Variants in SNTG1 observed in about 807,000 individuals in gnomAD.
SNTG1 encodes the protein syntrophin gamma 1, also known as gamma-1-syntrophin.
A neutral mutation model predicts 74.7 loss-of-function variants in SNTG1; 39 were observed. That is an observed-to-expected ratio of 0.52 (90% CI 0.40 to 0.68). The LOEUF (loss-of-function observed/expected upper bound fraction) is 0.68, where lower values mean the gene tolerates loss of function less well. SNTG1 is among the 30% of genes least tolerant of loss of function. SNTG1 has a pLI of 0.00. For synonymous variants in SNTG1, 254 were observed against 217.1 expected (o/e 1.17, Z -1.49); for missense variants, 685 against 609.5 (o/e 1.12, Z -1.30).
chr8:50,468,021 T>TC (rs368093709), intron 8 of SNTG1, among the ~76,000 whole-genome samples: 1 of 151,588 alleles, frequency 6.6e-6, no homozygotes, highest in Non-Finnish European at 1.5e-5. Context: ...TATTTTTTTT[T>TC]CAAAAAATAG....
intron 1 of SNTG1, among the ~76,000 whole-genome samples, chr8:50,113,490 C>T (rs960416103): frequency 3.9e-5 from 6 of 152,118 alleles, no homozygotes; most frequent in South Asian, 2.1e-4. Context: ...TGGGCTGAGA[C>T]GATGGGGTTT....
intron 12 of SNTG1, among the ~76,000 whole-genome samples, chr8:50,566,898 CT>C (rs1173601069): frequency 1.3e-5 from 2 of 151,972 alleles, no homozygotes; most frequent in East Asian, 3.9e-4. Flanking sequence ...AGCATTCAAT[CT>C]AAAAAGTGCT....
chr8:50,517,604 G>A (rs934634791), intron 9 of SNTG1, among the ~76,000 whole-genome samples: 4 of 69,942 alleles, frequency 5.7e-5, no homozygotes, highest in South Asian at 4.9e-4. Flanking sequence ...TATTTACCAA[G>A]CAAATGGAAA....
intron 13 of SNTG1, among the ~76,000 whole-genome samples, chr8:50,606,453 T>G (rs80087704): frequency 0.031 from 4,712 of 152,184 alleles, 114 homozygotes; most frequent in African/African-American, 0.054. Flanking sequence ...TTATATTGAT[T>G]TAGTTTCCTG....
intron 4 of SNTG1, among the ~76,000 whole-genome samples, chr8:50,426,005 G>A (rs964081182): frequency 6.6e-6 from 1 of 152,010 alleles, no homozygotes; most frequent in Non-Finnish European, 1.5e-5. Context: ...TTATTATTTA[G>A]GACAGTTTTA....
At chr8:50,540,718 G>A (rs761769275) in intron 11 of SNTG1, among the ~76,000 whole-genome samples, 1 of 152,056 alleles carries the variant, frequency 6.6e-6, no homozygotes, top group South Asian at 2.1e-4. Flanking sequence ...CCTGTTATAT[G>A]ATGCTTGATA....
intron 15 of SNTG1, among the ~76,000 whole-genome samples, chr8:50,699,292 C>T (rs1220541203): frequency 6.6e-6 from 1 of 152,068 alleles, no homozygotes; most frequent in Non-Finnish European, 1.5e-5. Flanking sequence ...AGAAAAGCTA[C>T]ATTTTACATA....
At chr8:50,665,924 T>C (rs752772479) in intron 15 of SNTG1, among the ~76,000 whole-genome samples, 20 of 152,144 alleles carry the variant, frequency 1.3e-4, no homozygotes, top group Admixed American at 2.6e-4. Context: ...AGGAGAACTT[T>C]ACAGAGCACA....
chr8:50,411,600 G>A (rs1470338887), intron 4 of SNTG1, among the ~76,000 whole-genome samples: 1 of 151,866 alleles, frequency 6.6e-6, no homozygotes, highest in Non-Finnish European at 1.5e-5. Context: ...ATAATACAAA[G>A]GCCTACTCTT....
intron 1 of SNTG1, among the ~76,000 whole-genome samples, chr8:50,117,872 T>C (rs2080875352): frequency 2.0e-5 from 3 of 152,250 alleles, no homozygotes; most frequent in African/African-American, 7.2e-5. Flanking sequence ...TGTTTGGTTT[T>C]GCTTCACAAT....
chr8:50,549,988 A>G (rs1396131813), intron 11 of SNTG1, among the ~76,000 whole-genome samples: 3 of 152,202 alleles, frequency 2.0e-5, no homozygotes, highest in Non-Finnish European at 2.9e-5. Context: ...CCAATTACTC[A>G]TCAAATCCTT....
chr8:50,318,500 T>C (rs1421788553), intron 2 of SNTG1, among the ~76,000 whole-genome samples: 1 of 152,186 alleles, frequency 6.6e-6, no homozygotes, highest in East Asian at 1.9e-4. Flanking sequence ...CCTCCATCAC[T>C]TCACAGCAGA....
At chr8:50,129,495 C>A (rs1384726124) in intron 1 of SNTG1, among the ~76,000 whole-genome samples, 1 of 152,112 alleles carries the variant, frequency 6.6e-6, no homozygotes, top group African/African-American at 2.4e-5. Context: ...ACTTGATTCT[C>A]ACTGTCTTGG....
intron 1 of SNTG1, among the ~76,000 whole-genome samples, chr8:50,014,547 G>A (rs1169490642): frequency 6.6e-6 from 1 of 152,152 alleles, no homozygotes; most frequent in Non-Finnish European, 1.5e-5. Flanking sequence ...CTTAGAAGAA[G>A]CCACCAGCTA....
chr8:50,070,119 GTTAA>G, intron 1 of SNTG1, among the ~76,000 whole-genome samples: 1 of 152,222 alleles, frequency 6.6e-6, no homozygotes, highest in African/African-American at 2.4e-5. Context: ...CATTACAATA[GTTAA>G]TAAGGTATTT....
chr8:50,353,247 G>A (rs1237893205), intron 2 of SNTG1, among the ~76,000 whole-genome samples: 2 of 134,814 alleles, frequency 1.5e-5, no homozygotes, highest in African/African-American at 5.5e-5. Flanking sequence ...ACACACTGGG[G>A]CCTGTCATGA....
intron 17 of SNTG1, among the ~76,000 whole-genome samples, chr8:50,742,426 A>T (rs989752293): frequency 2.6e-5 from 4 of 152,040 alleles, no homozygotes; most frequent in African/African-American, 4.8e-5. Flanking sequence ...TGTCAACTGG[A>T]TAAAGAAGAA....
At chr8:50,275,315 A>T (rs2088030705) in intron 2 of SNTG1, among the ~76,000 whole-genome samples, 1 of 152,112 alleles carries the variant, frequency 6.6e-6, no homozygotes, top group Non-Finnish European at 1.5e-5. Flanking sequence ...ATTACCTACA[A>T]TATGTGTAAT....
chr8:50,601,152 CAAAAAAAAAAAAAAAA>C (rs71235311), intron 13 of SNTG1, among the ~76,000 whole-genome samples: 19 of 31,438 alleles, frequency 6.0e-4, no homozygotes, highest in African/African-American at 1.6e-3. Flanking sequence ...GCCAGCGAGA[CAAAAAAAAAAAAAAAA>C]AAAAAAAAAA....
Sources: allele counts gnomAD v4.1 joint callset (sites outside exome capture counted in the v4.1 genomes callset), GRCh38; gene constraint gnomAD v4.1.1; transcripts MANE v1.5; gene names NCBI Gene and HGNC (gene_info 2026-07-23, HGNC 2026-07-21).